Variants in PLD5 observed in about 807,000 individuals in gnomAD.
PLD5 encodes the protein inactive phospholipase D5.
In PLD5, 36 loss-of-function variants were observed where a neutral mutation model predicts 61.1. That is an observed-to-expected ratio of 0.59 (90% CI 0.45 to 0.78). The LOEUF is 0.78. Ranked by LOEUF, PLD5 falls within the 30% of genes least tolerant of loss-of-function variation. PLD5 has a pLI of 0.00. For missense variants in PLD5, 515 were observed against 644.4 expected (o/e 0.80, Z 2.17); for synonymous variants, 243 against 242.8 (o/e 1.00, Z -0.01).
chr1:242,353,869 A>G (rs1210886414), intron 1 of PLD5, among the ~76,000 whole-genome samples: 4 of 151,020 alleles, frequency 2.6e-5, no homozygotes, highest in Non-Finnish European at 5.9e-5. Context: ...TATTTTTTAT[A>G]ACTATTATAA....
intron 2 of PLD5, among the ~76,000 whole-genome samples, chr1:242,296,484 A>G (rs1675665824): frequency 6.6e-6 from 1 of 152,204 alleles, no homozygotes; most frequent in South Asian, 2.1e-4. Context: ...AACCTTCCCA[A>G]AGAGATACTG....
At chr1:242,303,849 G>C (rs528782533) in intron 2 of PLD5, among the ~76,000 whole-genome samples, 2 of 152,174 alleles carry the variant, frequency 1.3e-5, no homozygotes, top group African/African-American at 4.8e-5. Flanking sequence ...GCTTTTCCAC[G>C]AGAGGGCGAT....
chr1:242,360,499 A>G (rs1185086107), intron 1 of PLD5, among the ~76,000 whole-genome samples: 2 of 152,058 alleles, frequency 1.3e-5, no homozygotes, highest in Non-Finnish European at 2.9e-5. Flanking sequence ...GTGTTGAAAA[A>G]AGCCCTCATA....
At chr1:242,185,578 C>T (rs930787482) in intron 5 of PLD5, among the ~76,000 whole-genome samples, 1 of 152,142 alleles carries the variant, frequency 6.6e-6, no homozygotes, top group Non-Finnish European at 1.5e-5. Flanking sequence ...CACCACAAGC[C>T]TTGCCTGGGG....
chr1:242,193,350 G>A (rs1668401230), intron 5 of PLD5, among the ~76,000 whole-genome samples: 1 of 152,172 alleles, frequency 6.6e-6, no homozygotes, highest in African/African-American at 2.4e-5. Flanking sequence ...GAGAGACTGA[G>A]AATTCAGGGA....
At chr1:242,390,996 T>A (rs1662893335) in intron 1 of PLD5, among the ~76,000 whole-genome samples, 2 of 151,832 alleles carry the variant, frequency 1.3e-5, no homozygotes, top group African/African-American at 4.8e-5. Flanking sequence ...ATGGAGACCA[T>A]CTGGCTAACA....
intron 5 of PLD5, among the ~76,000 whole-genome samples, chr1:242,152,501 C>T (rs923138720): frequency 6.6e-6 from 1 of 152,002 alleles, no homozygotes; most frequent in Non-Finnish European, 1.5e-5. Flanking sequence ...GCTATCCCTC[C>T]CCTAGCCCCC....
chr1:242,275,357 TTTACTTATA>T (rs1558421250), intron 3 of PLD5, among the ~76,000 whole-genome samples: 1 of 152,006 alleles, frequency 6.6e-6, no homozygotes, highest in Non-Finnish European at 1.5e-5. Context: ...TTGATATTTA[TTTACTTATA>T]TTACTTATAT....
chr1:242,496,909 T>G (rs2102985271), intron 1 of PLD5, among the ~76,000 whole-genome samples: 1 of 152,346 alleles, frequency 6.6e-6, no homozygotes, highest in South Asian at 2.1e-4. Context: ...ATAGTGCAAC[T>G]TCTAGGATGT....
rs535192023 is a variant in PLD5 at position 242,474,158 on chromosome 1, G to A, written c.189+49930C>T. 3.3e-5 allele frequency among the ~76,000 whole-genome samples: 5 copies of A among 152,278 alleles called. No homozygotes were observed. In the East Asian group the frequency reaches 9.7e-4, roughly 29 times the overall value. On this transcript the variant is annotated intron_variant, in intron 1 of 9. Coordinates refer to ENST00000536534, the MANE Select transcript of PLD5 (RefSeq NM_001372062.1). ...AGAGACATTAGGCAAAAGTAACTGC[G>A]GTGTTTGCCATTACTTGCAATGGCA...
At chr1:242,260,272 G>A (rs543101136) in intron 4 of PLD5, among the ~76,000 whole-genome samples, 9 of 152,026 alleles carry the variant, frequency 5.9e-5, no homozygotes, top group Non-Finnish European at 1.0e-4. Flanking sequence ...ACTTGAATCC[G>A]GGAGGCAGAG....
At chr1:242,301,789 T>TATTATTATTATG (rs1204933182) in intron 2 of PLD5, among the ~76,000 whole-genome samples, 1 of 147,384 alleles carries the variant, frequency 6.8e-6, no homozygotes, top group East Asian at 2.0e-4. Context: ...TTATTATTAT[T>TATTATTATTATG]ATTAGAGACA....
Position 242,277,435 on chromosome 1 carries a change from C to G in PLD5, c.495+10927G>C, listed in dbSNP as rs183230948. On this transcript the variant is annotated intron_variant, in intron 3 of 9. Coordinates refer to ENST00000536534, the MANE Select transcript of PLD5 (RefSeq NM_001372062.1). ...TAACAAAGCAGCTCAGATACCCTAT[C>G]CTTACATTTTGAGAATTGATCTTGA... Among the ~76,000 whole-genome samples, 417 of 127,334 alleles carry G rather than the reference C, an allele frequency of 3.3e-3. 2 individuals are homozygous for G. Among genetic ancestry groups the G allele is most frequent in the African/African-American group, 0.012 (407 of 35,098 alleles). The allele number at this position is 127,334 out of a possible 152,430, so 83.5% of individuals were successfully genotyped here. A position where few individuals can be genotyped will look rare whatever the true frequency, so the allele number is the denominator to read the frequency against.
At chr1:242,353,217 G>A (rs1368571649) in intron 1 of PLD5, among the ~76,000 whole-genome samples, 1 of 152,144 alleles carries the variant, frequency 6.6e-6, no homozygotes, top group Non-Finnish European at 1.5e-5. Flanking sequence ...TGTGTATACA[G>A]TGTATTTCTT....
intron 5 of PLD5, among the ~76,000 whole-genome samples, chr1:242,157,285 C>T (rs1211472721): frequency 6.6e-6 from 1 of 152,210 alleles, no homozygotes; most frequent in Non-Finnish European, 1.5e-5. Context: ...AGCTTCCTTG[C>T]ATTGGGTTAG....
In PLD5 at chr1:242,089,051, T is replaced by A. The variant is rs74153320; in HGVS notation, c.*803A>T. 3,005 of 335,362 alleles carry A rather than the reference T, an allele frequency of 9.0e-3. 87 individuals are homozygous for A. Among genetic ancestry groups the A allele is most frequent in the African/African-American group, 0.058 (2,770 of 47,490 alleles). The allele number at this position is 335,362 out of a possible 1,614,324, so 20.8% of individuals were successfully genotyped here. A position where few individuals can be genotyped will look rare whatever the true frequency, so the allele number is the denominator to read the frequency against. On this transcript the variant is annotated 3_prime_UTR_variant, in exon 10 of 10. Transcript: ENST00000536534. ...GGTGGCTACATAATTTTTCTGAGCT[T>A]GAGAGAAAGGATACATATTGCTGAC...
At chr1:242,520,915 C>A (rs891030160) in intron 1 of PLD5, among the ~76,000 whole-genome samples, 1 of 152,202 alleles carries the variant, frequency 6.6e-6, no homozygotes. Context: ...AAAGTAAATA[C>A]AGGATCCTAC....
At chr1:242,388,105 C>T (rs531386012) in intron 1 of PLD5, among the ~76,000 whole-genome samples, 29 of 152,242 alleles carry the variant, frequency 1.9e-4, no homozygotes, top group African/African-American at 6.0e-4. Flanking sequence ...TCAGATTTAA[C>T]GTTGGAAACA....
intron 1 of PLD5, among the ~76,000 whole-genome samples, chr1:242,472,944 G>T (rs1278054023): frequency 6.6e-6 from 1 of 151,994 alleles, no homozygotes; most frequent in African/African-American, 2.4e-5. Flanking sequence ...AGTAAAAAGA[G>T]AATATTTTAT....
Sources: gnomAD v4.1 joint callset for allele counts (sites outside exome capture counted in the v4.1 genomes callset) on GRCh38, gnomAD v4.1.1 for gene constraint, MANE v1.5 for transcripts, NCBI Gene and HGNC (gene_info 2026-07-23, HGNC 2026-07-21) for gene names.